The following SLC14A1 variants were observed in gnomAD, a reference collection of about 807,000 sequenced individuals.
The protein encoded by SLC14A1 is urea transporter 1.
SLC14A1 carries 36 observed loss-of-function variants against 39.6 expected under a neutral mutation model. The observed-to-expected ratio is 0.91, with a 90% confidence interval of 0.70 to 1.20. SLC14A1 has a LOEUF of 1.20. Ranked by LOEUF, SLC14A1 falls within the 50% of genes most tolerant of loss-of-function variation. SLC14A1 has a pLI of 0.00. For missense variants in SLC14A1, 469 were observed against 478.7 expected (o/e 0.98, Z 0.19); for synonymous variants, 164 against 173.6 (o/e 0.94, Z 0.43).
At chr18:45,727,378 C>G (rs2144734655) in intron 2 of SLC14A1, 1 of 1,550,674 alleles carries the variant, frequency 6.4e-7, no homozygotes, top group East Asian at 2.4e-5. Flanking sequence ...AGAGGCATCG[C>G]CCGGCTAAGC....
At chr18:45,724,479 C>G (rs865789526) in intron 1 of SLC14A1, among the ~76,000 whole-genome samples, 1 of 152,308 alleles carries the variant, frequency 6.6e-6, no homozygotes, top group East Asian at 1.9e-4. Context: ...CAAAGGCATG[C>G]CTTTATTCGT....
chr18:45,748,388 C>T lies in SLC14A1; in HGVS notation c.959C>T (p.Ala320Val). The change falls in exon 9 of 10, where the codon GCC (alanine) becomes GTC (valine). Residue 320 changes from alanine (A) to valine (V), a missense_variant. By Grantham distance (64) the Ala-to-Val change is moderately conservative. Transcript: ENST00000321925. ...LLALGCALFT[A>V]YLGVGMANFM... ...TTTTTTTCTGTAGCCCTGTTCACGG[C>T]CTATCTTGGAGTCGGCATGGCAAAC... is the stretch of plus-strand genomic sequence containing the variant. 1 of 1,614,092 alleles carries T rather than the reference C, an allele frequency of 6.2e-7. No homozygotes were observed. Among genetic ancestry groups the T allele is most frequent in the Non-Finnish European group, 8.5e-7 (1 of 1,179,996 alleles).
intron 2 of SLC14A1, chr18:45,730,036 A>C: frequency 2.8e-6 from 1 of 356,480 alleles, no homozygotes; most frequent in East Asian, 4.3e-5. Flanking sequence ...ACGCTTAGTA[A>C]ATGTTTGTTG....
Position 45,736,601 on chromosome 18 carries a change from A to G in SLC14A1, c.616A>G (p.Ile206Val), listed in dbSNP as rs1022096613. ...CTTTCCAGCCAAACTGGTCATACCT[A>G]TAACTACAGCTCCAAATATCTCCTG... ...PFFPAKLVIP[I>V]TTAPNISWSD... Residue 206 changes from isoleucine to valine, a missense_variant, in exon 6 of 10, where the codon ATA becomes GTA. Transcript: ENST00000321925. The G allele has an allele frequency of 5.6e-6, 9 of 1,614,076 alleles. No individual in the cohort carries two copies. The highest frequency in any genetic ancestry group is 5.0e-5 in the Admixed American group (3 of 60,004).
Position 45,724,270 on chromosome 18 carries a change from T to C in SLC14A1, c.-89T>C, listed in dbSNP as rs1458556792. On this transcript the variant is annotated 5_prime_UTR_variant, in exon 1 of 10. Transcript: ENST00000321925. ...TCTGCTGCCAGGAAGCCAGCTAGAG[T>C]GGTGTAAGTACTCATCCTTATTTCT... 5.9e-5 allele frequency: 9 copies of C among 152,090 alleles called. No individual in the cohort carries two copies. Among genetic ancestry groups the C allele is most frequent in the Admixed American group, 5.9e-4 (9 of 15,266 alleles). 9.4% of individuals were successfully genotyped at this position (152,090 alleles called of 1,614,324 possible). A position where few individuals can be genotyped will look rare whatever the true frequency, so the allele number is the denominator to read the frequency against.
At chr18:45,726,709 T>TA (rs1396501634) in intron 2 of SLC14A1, 8 of 152,428 alleles carry the variant, frequency 5.2e-5, no homozygotes, top group Non-Finnish European at 1.2e-4. Flanking sequence ...AGGAGTCTCT[T>TA]AAAGGCAGCT....
chr18:45,739,125 G>T lies in SLC14A1; in HGVS notation c.664-38G>T, dbSNP rs1452304046. The stretch of plus-strand genomic sequence containing the variant: ...GTGTCCTGTGGGTTTCTGTTCAGTT[G>T]TTTTGGTAGCCTCATTTTTCTTAAA... On this transcript the variant is annotated intron_variant, in intron 6 of 9. Coordinates refer to ENST00000321925, the MANE Select transcript of SLC14A1 (RefSeq NM_015865.7). 2.5e-6 allele frequency: 4 copies of T among 1,613,426 alleles called. No homozygotes were observed. The East Asian group carries it at 8.9e-5, about 36-fold the overall frequency.
chr18:45,730,968 T>C (rs1438876798), intron 3 of SLC14A1, 47 bp from the exon 4 acceptor site: 3 of 1,563,296 alleles, frequency 1.9e-6, no homozygotes, highest in Non-Finnish European at 2.6e-6. Context: ...GGTTGAAGAG[T>C]ATCACTTGGC....
intron 4 of SLC14A1, among the ~76,000 whole-genome samples, chr18:45,732,767 G>C (rs1336093696): frequency 6.6e-6 from 1 of 152,174 alleles, no homozygotes; most frequent in Non-Finnish European, 1.5e-5. Flanking sequence ...AGGCCCTTGG[G>C]AAGTGGATCC....
chr18:45,748,136 C>T (rs567879304), intron 8 of SLC14A1, among the ~76,000 whole-genome samples: 1 of 152,278 alleles, frequency 6.6e-6, no homozygotes, highest in Non-Finnish European at 1.5e-5. Context: ...ACACCAACAC[C>T]ATGAAAAATA....
At chr18:45,733,695 G>A (rs759364657) in intron 4 of SLC14A1, among the ~76,000 whole-genome samples, 13 of 152,258 alleles carry the variant, frequency 8.5e-5, no homozygotes, top group East Asian at 1.9e-4. Context: ...GTCTTTAGCC[G>A]TGACACCTGT....
chr18:45,735,142 TGCGGTA>T (rs1031800721), intron 5 of SLC14A1, among the ~76,000 whole-genome samples: 24 of 152,230 alleles, frequency 1.6e-4, no homozygotes, highest in African/African-American at 5.5e-4. Flanking sequence ...GTCATTGGTC[TGCGGTA>T]GCGCCTGGGC....
At chr18:45,743,681 C>G in intron 8 of SLC14A1, among the ~76,000 whole-genome samples, 1 of 152,186 alleles carries the variant, frequency 6.6e-6, no homozygotes, top group East Asian at 1.9e-4. Context: ...GTGTCTAGCA[C>G]TCGCTCAGCA....
chr18:45,731,213 ACCCTTTCAAGCCTTCTCAGCTC>A lies in SLC14A1; in HGVS notation c.341+12_341+33del. 6.2e-7 allele frequency: 1 copy of A among 1,612,882 alleles called. No homozygotes were observed. Among genetic ancestry groups the A allele is most frequent in the Non-Finnish European group, 8.5e-7 (1 of 1,179,804 alleles). On this transcript the variant is annotated intron_variant, in intron 4 of 9. Transcript: ENST00000321925. ...TTGCTCAGCCAGGACAGGTAGGTGT[ACCCTTTCAAGCCTTCTCAGCTC>A]CCTTCTGAGACACAGGGGCTGACCA... is the stretch of plus-strand genomic sequence containing the variant.
At chr18:45,746,408 C>G (rs1258318514) in intron 8 of SLC14A1, among the ~76,000 whole-genome samples, 3 of 152,160 alleles carry the variant, frequency 2.0e-5, no homozygotes, top group Admixed American at 6.5e-5. Flanking sequence ...ATCACTTGTA[C>G]TATGGAGAGA....
chr18:45,752,039 C>T lies in SLC14A1; in HGVS notation c.*2088C>T, dbSNP rs1326362306. On this transcript the variant is annotated 3_prime_UTR_variant, in exon 10 of 10. Transcript: ENST00000321925. ...TTCTTCCTTTTCTCAGGAAACCAAGCAAGCAAACATATCGTTCCAATTTTA... is the reference window on the plus strand; with the variant it reads ...TTCTTCCTTTTCTCAGGAAACCAAGTAAGCAAACATATCGTTCCAATTTTA... 1 of 985,236 alleles carries T rather than the reference C, an allele frequency of 1.0e-6. No individual in the cohort carries two copies. Among genetic ancestry groups the T allele is most frequent in the Non-Finnish European group, 1.2e-6 (1 of 829,926 alleles). The allele number at this position is 985,236 out of a possible 1,614,324, so 61.0% of individuals were successfully genotyped here.
Position 45,749,887 on chromosome 18 carries a change from A to G in SLC14A1, c.1106A>G (p.Tyr369Cys). ...AAGATGCCCCTCAGTAAAGTTACTT[A>G]TCCTGAAGAAAACCGCATCTTCTAC... ...IYKMPLSKVT[Y>C]PEENRIFYLQ... The change falls in exon 10 of 10, where the codon TAT becomes TGT. Residue 369 changes from tyrosine (Y) to cysteine (C), a missense_variant. Transcript: ENST00000321925. The G allele has an allele frequency of 6.2e-7, 1 of 1,614,180 alleles. No homozygotes were observed.
chr18:45,727,563 C>A, intron 2 of SLC14A1: 2 of 1,009,348 alleles, frequency 2.0e-6, no homozygotes, highest in Non-Finnish European at 2.8e-6. Flanking sequence ...CAAAAAGCCC[C>A]ATGGCGCTCA....
chr18:45,738,249 T>A (rs1035422581), intron 6 of SLC14A1, among the ~76,000 whole-genome samples: 16 of 152,324 alleles, frequency 1.1e-4, no homozygotes, highest in African/African-American at 2.6e-4. Flanking sequence ...AGGTCTTTGG[T>A]ACATACACGA....
Sources: allele counts gnomAD v4.1 joint callset (sites outside exome capture counted in the v4.1 genomes callset), GRCh38; gene constraint gnomAD v4.1.1; transcripts MANE v1.5; gene names NCBI Gene and HGNC (gene_info 2026-07-23, HGNC 2026-07-21).